The following BCAS2 variants were observed in gnomAD, a reference collection of about 807,000 sequenced individuals.
The protein encoded by BCAS2 is pre-mRNA-splicing factor SPF27.
A neutral mutation model predicts 35.3 loss-of-function variants in BCAS2; 34 were observed. The ratio of observed to expected loss-of-function variants is 0.96; its 90% confidence interval spans 0.73 to 1.28. BCAS2 has a LOEUF of 1.28. BCAS2 is among the 50% of genes most tolerant of loss of function. The probability of loss-of-function intolerance (pLI) is 0.00; values close to 1 mark genes in which losing one functional copy is unlikely to be tolerated. For synonymous variants in BCAS2, 75 were observed against 91.6 expected, an observed-to-expected ratio of 0.82 and a Z score of 1.03; for missense variants, 221 against 268.1, an observed-to-expected ratio of 0.82 and a Z score of 1.23.
At chr1:114,569,861 G>C (rs1654603823) in intron 6 of BCAS2, 131 bp downstream of exon 6, 1 of 689,658 alleles carries the variant, frequency 1.4e-6, no homozygotes, top group Admixed American at 2.7e-5. Flanking sequence ...AGACGGGGAA[G>C]GGTGAATTCA....
chr1:114,575,782 C>T, intron 3 of BCAS2, 31 bp from the exon 4 acceptor site: 1 of 1,606,398 alleles, frequency 6.2e-7, no homozygotes. Flanking sequence ...AAAATAAAAC[C>T]ATCTATACTG....
At chr1:114,580,649 TAAAG>T (rs1003946221) in intron 2 of BCAS2, among the ~76,000 whole-genome samples, 6 of 151,952 alleles carry the variant, frequency 3.9e-5, no homozygotes, top group African/African-American at 1.5e-4. Context: ...TTGTCTTAAA[TAAAG>T]AAAAGAAAAA....
intron 2 of BCAS2, among the ~76,000 whole-genome samples, chr1:114,577,845 C>T (rs1379185390): frequency 6.6e-6 from 1 of 152,152 alleles, no homozygotes; most frequent in Non-Finnish European, 1.5e-5. Context: ...ACTATCTTAA[C>T]AATTAGACTA....
At chr1:114,578,637 A>G (rs965517723) in intron 2 of BCAS2, among the ~76,000 whole-genome samples, 2 of 152,140 alleles carry the variant, frequency 1.3e-5, no homozygotes, top group Non-Finnish European at 2.9e-5. Context: ...TCGCCCAGTC[A>G]CTTTATCACT....
intron 2 of BCAS2, among the ~76,000 whole-genome samples, chr1:114,578,980 T>C (rs973169068): frequency 1.3e-4 from 20 of 152,102 alleles, no homozygotes; most frequent in Non-Finnish European, 2.4e-4. Context: ...TTACCAACTA[T>C]TACTAAGAAA....
chr1:114,578,245 A>G (rs1194025800), intron 2 of BCAS2, among the ~76,000 whole-genome samples: 1 of 152,184 alleles, frequency 6.6e-6, no homozygotes, highest in Non-Finnish European at 1.5e-5. Flanking sequence ...AAAATTTCGT[A>G]TTAAGCATTT....
chr1:114,578,052 G>A (rs1397357016), intron 2 of BCAS2, among the ~76,000 whole-genome samples: 2 of 152,088 alleles, frequency 1.3e-5, no homozygotes, highest in Non-Finnish European at 2.9e-5. Flanking sequence ...TTAGCTGGGC[G>A]TGATGGCACG....
intron 6 of BCAS2, among the ~76,000 whole-genome samples, 161 bp downstream of exon 6, chr1:114,569,831 A>G (rs138109043): frequency 0.011 from 1,704 of 152,262 alleles, 26 homozygotes; most frequent in African/African-American, 0.039. Flanking sequence ...AGTTCTCTTT[A>G]ACACCTTATA....
At chr1:114,577,716 C>T (rs1218027073) in intron 2 of BCAS2, among the ~76,000 whole-genome samples, 3 of 152,200 alleles carry the variant, frequency 2.0e-5, no homozygotes, top group Non-Finnish European at 2.9e-5. Context: ...TTAGGGCCAA[C>T]GTCCTAACCC....
intron 4 of BCAS2, among the ~76,000 whole-genome samples, chr1:114,574,217 T>C (rs915571637): frequency 6.6e-6 from 1 of 152,238 alleles, no homozygotes; most frequent in Non-Finnish European, 1.5e-5. Flanking sequence ...CTACTTGTAG[T>C]GTTTTGCAGT....
intron 6 of BCAS2, 106 bp from the exon 7 acceptor site, chr1:114,568,362 C>T: frequency 8.3e-7 from 1 of 1,209,684 alleles, no homozygotes; most frequent in Non-Finnish European, 1.1e-6. Flanking sequence ...ATAACACTAA[C>T]CTTCACTTTT....
At chr1:114,569,378 T>C (rs2101625719) in intron 6 of BCAS2, among the ~76,000 whole-genome samples, 1 of 152,218 alleles carries the variant, frequency 6.6e-6, no homozygotes, top group East Asian at 1.9e-4. Flanking sequence ...TATTCAAGAT[T>C]ATATTGTATA....
At chr1:114,576,882 TTC>T (rs1274729410) in intron 2 of BCAS2, 124 bp from the exon 3 acceptor site, 3 of 646,750 alleles carry the variant, frequency 4.6e-6, no homozygotes, top group Non-Finnish European at 7.9e-6. Flanking sequence ...TCCCTAATTC[TTC>T]TCTGAGTTAA....
At chr1:114,576,603 A>G in intron 3 of BCAS2, 85 bp downstream of exon 3, 1 of 1,157,150 alleles carries the variant, frequency 8.6e-7, no homozygotes, top group Non-Finnish European at 1.3e-6. Flanking sequence ...TGCCAATATT[A>G]GCCAGCAAAT....
chr1:114,579,606 C>G (rs994660313), intron 2 of BCAS2, among the ~76,000 whole-genome samples: 1 of 152,178 alleles, frequency 6.6e-6, no homozygotes, highest in South Asian at 2.1e-4. Context: ...GTGGCTTACA[C>G]CTGTATCCCA....
intron 4 of BCAS2, among the ~76,000 whole-genome samples, chr1:114,572,955 A>G (rs1017032452): frequency 6.6e-6 from 1 of 151,912 alleles, no homozygotes; most frequent in Non-Finnish European, 1.5e-5. Flanking sequence ...TCCACAAAAA[A>G]TACAAAAATT....
intron 3 of BCAS2, among the ~76,000 whole-genome samples, 186 bp from the exon 4 acceptor site, chr1:114,575,937 T>C (rs1179906482): frequency 6.6e-6 from 1 of 152,184 alleles, no homozygotes; most frequent in Non-Finnish European, 1.5e-5. Context: ...TTTAGCACCA[T>C]TATGTTCACT....
intron 2 of BCAS2, 122 bp downstream of exon 2, chr1:114,581,177 A>T (rs921907234): frequency 2.1e-6 from 2 of 956,230 alleles, no homozygotes; most frequent in East Asian, 2.4e-5. Context: ...ATAGACTGAC[A>T]CCTATACAGT....
intron 6 of BCAS2, among the ~76,000 whole-genome samples, chr1:114,569,061 GCT>G (rs1207248253): frequency 6.6e-6 from 1 of 152,116 alleles, no homozygotes; most frequent in East Asian, 1.9e-4. Context: ...ACCACACCTG[GCT>G]CTCTGTATTA....
Sources: allele counts gnomAD v4.1 joint callset (sites outside exome capture counted in the v4.1 genomes callset), GRCh38; gene constraint gnomAD v4.1.1; transcripts MANE v1.5; gene names NCBI Gene and HGNC (gene_info 2026-07-23, HGNC 2026-07-21).